The following TDRD3 variants were observed in gnomAD, a reference collection of about 807,000 sequenced individuals.
TDRD3 encodes the protein tudor domain containing 3.
A neutral mutation model predicts 86.7 loss-of-function variants in TDRD3; 45 were observed. The observed-to-expected ratio is 0.52, with a 90% CI of 0.41 to 0.67. The LOEUF (loss-of-function observed/expected upper bound fraction) is 0.67, where lower values mean the gene tolerates loss of function less well. Among genes scored for constraint, TDRD3 ranks in the 30% least tolerant of loss-of-function variants. The pLI is 0.00. For missense variants in TDRD3, 814 were observed against 889.0 expected, an observed-to-expected ratio of 0.92 and a Z score of 1.07; for synonymous variants, 298 against 301.7, an observed-to-expected ratio of 0.99 and a Z score of 0.13.
chr13:60,567,572 T>C lies in TDRD3; in HGVS notation c.2166T>C (p.Gly722=), dbSNP rs1210878309. 6.2e-7 allele frequency: 1 copy of C among 1,613,788 alleles called. No individual in the cohort carries two copies. The highest frequency in any genetic ancestry group is 8.5e-7 in the Non-Finnish European group (1 of 1,179,978). The part of the protein sequence containing the change: ...YDQTLEFRRG[G]DGQPRRSTRP... ...AAACTCTGGAGTTCCGTAGGGGAGGTGATGGCCAGCCAAGACGATCCACTC... is the reference window on the plus strand; with the variant it reads ...AAACTCTGGAGTTCCGTAGGGGAGGCGATGGCCAGCCAAGACGATCCACTC... Residue 722 remains glycine, a synonymous_variant, in exon 13 of 14, where the codon GGT becomes GGC. Coordinates refer to ENST00000377881, the MANE Select transcript of TDRD3 (RefSeq NM_001146070.2).
At chr13:60,510,530 T>C in intron 9 of TDRD3, 100 bp from the exon 10 acceptor site, 1 of 1,195,754 alleles carries the variant, frequency 8.4e-7, no homozygotes, top group Non-Finnish European at 1.1e-6. Context: ...TGAAAAGAAA[T>C]TAAAATCCTT....
intron 7 of TDRD3, among the ~76,000 whole-genome samples, chr13:60,489,110 A>G (rs1956520278): frequency 6.6e-6 from 1 of 152,076 alleles, no homozygotes; most frequent in African/African-American, 2.4e-5. Context: ...TTGAGGTCTT[A>G]TCCAAAAAAT....
intron 8 of TDRD3, among the ~76,000 whole-genome samples, chr13:60,507,691 T>A (rs1164368349): frequency 1.3e-5 from 2 of 151,860 alleles, no homozygotes; most frequent in Non-Finnish European, 2.9e-5. Flanking sequence ...TTAAAGCAAT[T>A]TGTAGAGGGA....
chr13:60,557,819 G>GTTTTTTTTT (rs1491187240), intron 12 of TDRD3, among the ~76,000 whole-genome samples: 1 of 89,952 alleles, frequency 1.1e-5, no homozygotes, highest in African/African-American at 3.6e-5. Flanking sequence ...TTTTTTTCCT[G>GTTTTTTTTT]ATTTTTTTTT....
At chr13:60,424,019 G>T (rs1954731486) in intron 1 of TDRD3, among the ~76,000 whole-genome samples, 1 of 151,214 alleles carries the variant, frequency 6.6e-6, no homozygotes, top group African/African-American at 2.4e-5. Flanking sequence ...GGTTTTTTTT[G>T]TTTGTTTGTT....
chr13:60,541,762 TCTTGTTGCCCAGGATGGTGCAATGGCA>T (rs1957820289), intron 12 of TDRD3, among the ~76,000 whole-genome samples: 1 of 135,826 alleles, frequency 7.4e-6, no homozygotes, highest in Non-Finnish European at 1.6e-5. Flanking sequence ...GGAGTTTTGC[TCTTGTTGCCCAGGATGGTGCAATGGCA>T]CAATCTCGGC....
At position 60,407,683 on chromosome 13, in the gene TDRD3, G is replaced by A. The variant is rs575797171; in HGVS notation, c.41+10278G>A. Among the ~76,000 whole-genome samples the A allele has an allele frequency of 2.0e-5, 3 of 152,252 alleles. No homozygotes were observed. The East Asian group carries it at 5.8e-4, about 29-fold the overall frequency. On this transcript the variant is annotated intron_variant, in intron 1 of 13. Coordinates refer to ENST00000377881, the MANE Select transcript of TDRD3 (RefSeq NM_001146070.2). ...GCTGTCTCTTTAGGGTCTTTGAAAT[G>A]TTCTGTTTCAAGGTAATATTAGTAG... is the stretch of plus-strand genomic sequence containing the variant.
At chr13:60,508,227 C>A (rs1373725711) in intron 8 of TDRD3, among the ~76,000 whole-genome samples, 2 of 152,208 alleles carry the variant, frequency 1.3e-5, no homozygotes, top group African/African-American at 4.8e-5. Context: ...CTATCCCCAT[C>A]AAGCTACCAT....
intron 11 of TDRD3, among the ~76,000 whole-genome samples, chr13:60,530,002 C>T (rs1957542202): frequency 6.6e-6 from 1 of 152,180 alleles, no homozygotes; most frequent in African/African-American, 2.4e-5. Context: ...ATCAGCTACT[C>T]TTCTCATCCT....
chr13:60,402,362 A>T (rs1954123286), intron 1 of TDRD3, among the ~76,000 whole-genome samples: 1 of 152,340 alleles, frequency 6.6e-6, no homozygotes, highest in Non-Finnish European at 1.5e-5. Context: ...ACCTTCTTAT[A>T]CTAGTGGTAA....
At chr13:60,429,750 A>G (rs1242483066) in intron 1 of TDRD3, among the ~76,000 whole-genome samples, 1 of 152,200 alleles carries the variant, frequency 6.6e-6, no homozygotes, top group Non-Finnish European at 1.5e-5. Context: ...GTAAGGAAGC[A>G]TATACACTTT....
chr13:60,566,820 G>A (rs770594102), intron 12 of TDRD3, among the ~76,000 whole-genome samples: 1 of 152,092 alleles, frequency 6.6e-6, no homozygotes, highest in Admixed American at 6.5e-5. Context: ...TATTTAATCT[G>A]CTTATCCTAA....
chr13:60,456,380 C>A (rs1483808453), intron 3 of TDRD3, among the ~76,000 whole-genome samples: 1 of 152,028 alleles, frequency 6.6e-6, no homozygotes, highest in Non-Finnish European at 1.5e-5. Flanking sequence ...AGGAATGATG[C>A]CTGGATTAAT....
chr13:60,525,166 C>CTTTTTTTTTTTTTTTTTT (rs71199006), intron 10 of TDRD3, among the ~76,000 whole-genome samples: 2 of 56,092 alleles, frequency 3.6e-5, no homozygotes, highest in Non-Finnish European at 6.4e-5. Flanking sequence ...TAAGGGAATT[C>CTTTTTTTTTTTTTTTTTT]TTTTTTTTTT....
At chr13:60,465,158 T>C (rs1566213164) in intron 4 of TDRD3, among the ~76,000 whole-genome samples, 3 of 152,336 alleles carry the variant, frequency 2.0e-5, no homozygotes, top group East Asian at 1.9e-4. Flanking sequence ...ATCAATTGTT[T>C]CAGTGAAATT....
intron 3 of TDRD3, 49 bp from the exon 4 acceptor site, chr13:60,460,328 GAAT>G: frequency 6.7e-7 from 1 of 1,485,274 alleles, no homozygotes; most frequent in Non-Finnish European, 9.0e-7. Flanking sequence ...ACACAGCCCT[GAAT>G]AGAGTTTCAT....
intron 10 of TDRD3, among the ~76,000 whole-genome samples, chr13:60,515,481 CAT>C (rs1003763379): frequency 6.6e-6 from 1 of 152,066 alleles, no homozygotes; most frequent in Non-Finnish European, 1.5e-5. Flanking sequence ...TACACACACA[CAT>C]ATATATATGG....
At chr13:60,511,380 G>A (rs1470737508) in intron 10 of TDRD3, among the ~76,000 whole-genome samples, 1 of 152,128 alleles carries the variant, frequency 6.6e-6, no homozygotes, top group Non-Finnish European at 1.5e-5. Flanking sequence ...GAGATAAAAT[G>A]CTTTTATAAC....
intron 4 of TDRD3, among the ~76,000 whole-genome samples, chr13:60,462,155 T>C (rs1955816804): frequency 6.6e-6 from 1 of 152,220 alleles, no homozygotes; most frequent in Admixed American, 6.5e-5. Context: ...ATTCGTACTT[T>C]TGTGTAGAAA....
Sources: gnomAD v4.1 joint callset for allele counts (sites outside exome capture counted in the v4.1 genomes callset) on GRCh38, gnomAD v4.1.1 for gene constraint, MANE v1.5 for transcripts, NCBI Gene and HGNC (gene_info 2026-07-23, HGNC 2026-07-21) for gene names.